MAGI2: variants seen among roughly 807,000 people sequenced by gnomAD.
MAGI2 encodes membrane-associated guanylate kinase, WW and PDZ domain-containing protein 2.
MAGI2 carries 35 observed loss-of-function variants against 133.3 expected under a neutral mutation model. The observed-to-expected ratio is 0.26, with a 90% CI of 0.20 to 0.35. The LOEUF (loss-of-function observed/expected upper bound fraction) is 0.35. MAGI2 is among the 10% of genes least tolerant of loss of function. The pLI is 1.00. For synonymous variants in MAGI2, 729 were observed against 710.6 expected (o/e 1.03, Z -0.41); for missense variants, 1,636 against 1,863.4 (o/e 0.88, Z 2.25).
At chr7:79,161,092 A>G (rs558641384) in intron 1 of MAGI2, among the ~76,000 whole-genome samples, 1 of 151,952 alleles carries the variant, frequency 6.6e-6, no homozygotes, top group South Asian at 2.1e-4. Flanking sequence ...TATAATTATA[A>G]TTATAAAAAT....
chr7:79,046,565 CTAAGGA>C lies in MAGI2; in HGVS notation c.302-39365_302-39360del, dbSNP rs560591904. ...GAACCTAAGAAAGTCTGAAAATATT[CTAAGGA>C]TAAGTTTTATCTTTCCCATATTGTA... On this transcript the variant is annotated intron_variant, in intron 1 of 21. Coordinates refer to ENST00000354212, the MANE Select transcript of MAGI2 (RefSeq NM_012301.4). Among the ~76,000 whole-genome samples, 92 of 152,290 alleles carry C rather than the reference CTAAGGA, an allele frequency of 6.0e-4. 3 individuals are homozygous for C. In the East Asian group the frequency reaches 6.8e-3, roughly 11 times the overall value.
chr7:78,127,144 C>A (rs757338499), intron 19 of MAGI2, 53 bp downstream of exon 19: 232 of 1,344,394 alleles, frequency 1.7e-4, no homozygotes, highest in Non-Finnish European at 3.9e-5. Flanking sequence ...TCATTCCTTG[C>A]AGTTCTCTGG....
In MAGI2 at chr7:79,331,703, G is replaced by A. The variant is rs1347276766; in HGVS notation, c.301+121317C>T. 3.3e-5 allele frequency among the ~76,000 whole-genome samples: 5 copies of A among 152,080 alleles called. No homozygotes were observed. In the South Asian group the frequency reaches 1.0e-3, roughly 31 times the overall value. On this transcript the variant is annotated intron_variant, in intron 1 of 21. Coordinates refer to ENST00000354212, the MANE Select transcript of MAGI2 (RefSeq NM_012301.4). ...CATTTGGAAGGCAACTTAGTCTAGT[G>A]CCATTTCTATATGACAGAAGCACGT...
chr7:79,256,973 G>A (rs1382715726), intron 1 of MAGI2, among the ~76,000 whole-genome samples: 1 of 152,050 alleles, frequency 6.6e-6, no homozygotes, highest in East Asian at 1.9e-4. Flanking sequence ...GAGACTTATT[G>A]TACAACATGG....
At chr7:79,178,581 A>G (rs770118057) in intron 1 of MAGI2, among the ~76,000 whole-genome samples, 2 of 151,724 alleles carry the variant, frequency 1.3e-5, no homozygotes, top group Admixed American at 6.6e-5. Context: ...GCATGGTGGC[A>G]TGCAACTGTA....
chr7:79,422,132 A>C (rs934119813), intron 1 of MAGI2, among the ~76,000 whole-genome samples: 1 of 152,084 alleles, frequency 6.6e-6, no homozygotes, highest in African/African-American at 2.4e-5. Context: ...AAATGGTAAC[A>C]CAACCATAGT....
intron 1 of MAGI2, among the ~76,000 whole-genome samples, chr7:79,317,050 TTC>T (rs1405600026): frequency 6.7e-6 from 1 of 148,424 alleles, no homozygotes; most frequent in Non-Finnish European, 1.5e-5. Context: ...GAGGCAGAGT[TTC>T]TCTCTTGTTG....
Position 78,677,872 on chromosome 7 carries a change from G to A in MAGI2, c.419-50633C>T, listed in dbSNP as rs114683018. 3.9e-3 allele frequency among the ~76,000 whole-genome samples: 600 copies of A among 152,146 alleles called. 2 individuals are homozygous for A. Among genetic ancestry groups the A allele is most frequent in the African/African-American group, 0.014 (567 of 41,516 alleles). On this transcript the variant is annotated intron_variant, in intron 2 of 21. Transcript: ENST00000354212. ...AAGCTAGTGCTCTGCATAGTACAGCGTCTGGGGGAGCTGTCAGGAGACAGG... is the reference window on the plus strand; with the variant it reads ...AAGCTAGTGCTCTGCATAGTACAGCATCTGGGGGAGCTGTCAGGAGACAGG...
intron 1 of MAGI2, among the ~76,000 whole-genome samples, chr7:79,261,973 A>G (rs1305429877): frequency 6.6e-6 from 1 of 152,228 alleles, no homozygotes; most frequent in Non-Finnish European, 1.5e-5. Context: ...TCAATCAACC[A>G]CTGACTACTT....
At chr7:78,372,632 G>T (rs752646476) in intron 6 of MAGI2, among the ~76,000 whole-genome samples, 18 of 152,106 alleles carry the variant, frequency 1.2e-4, no homozygotes, top group Non-Finnish European at 2.2e-4. Context: ...TTTTCTTCAG[G>T]CCATGGAACC....
intron 6 of MAGI2, among the ~76,000 whole-genome samples, chr7:78,414,293 ATATT>A (rs140472189): frequency 0.084 from 12,718 of 152,006 alleles, 699 homozygotes; most frequent in Middle Eastern, 0.14. Flanking sequence ...TAATATAGAA[ATATT>A]TATTATTTTA....
At chr7:78,129,809 C>T (rs1821367024) in intron 18 of MAGI2, among the ~76,000 whole-genome samples, 1 of 151,968 alleles carries the variant, frequency 6.6e-6, no homozygotes, top group African/African-American at 2.4e-5. Flanking sequence ...GTGGCACATG[C>T]CTGTAATCCC....
At chr7:79,280,987 C>A (rs910038003) in intron 1 of MAGI2, among the ~76,000 whole-genome samples, 1 of 125,846 alleles carries the variant, frequency 7.9e-6, no homozygotes. Flanking sequence ...GGTTTGCCTG[C>A]AGAATGAATT....
chr7:78,775,165 G>T (rs779839385), intron 2 of MAGI2, among the ~76,000 whole-genome samples: 10 of 151,076 alleles, frequency 6.6e-5, no homozygotes, highest in Non-Finnish European at 1.3e-4. Flanking sequence ...TACAAAAAAT[G>T]AGCCAGGCGT....
At chr7:78,345,492 C>T (rs1201398969) in intron 8 of MAGI2, 2 of 160,848 alleles carry the variant, frequency 1.2e-5, no homozygotes, top group Non-Finnish European at 2.7e-5. Context: ...TAAGACAAGT[C>T]ATTCACGCTG....
intron 1 of MAGI2, among the ~76,000 whole-genome samples, chr7:79,223,580 C>A (rs1274392846): frequency 6.6e-6 from 1 of 151,958 alleles, no homozygotes; most frequent in African/African-American, 2.4e-5. Context: ...ATAATCCCAA[C>A]AATTTGGGAG....
intron 1 of MAGI2, among the ~76,000 whole-genome samples, chr7:79,408,807 G>T (rs1352785216): frequency 1.3e-5 from 2 of 152,056 alleles, no homozygotes; most frequent in African/African-American, 2.4e-5. Context: ...TCATATAAGG[G>T]TTTAAGATGA....
intron 3 of MAGI2, among the ~76,000 whole-genome samples, chr7:78,577,451 A>C (rs1802380836): frequency 6.6e-6 from 1 of 152,182 alleles, no homozygotes; most frequent in Non-Finnish European, 1.5e-5. Flanking sequence ...GACTGTTTTC[A>C]TTACATTTTA....
At chr7:79,252,156 CAAAAAAAAAAAA>C (rs1208897198) in intron 1 of MAGI2, among the ~76,000 whole-genome samples, 1 of 102,598 alleles carries the variant, frequency 9.7e-6, no homozygotes, top group African/African-American at 4.1e-5. Flanking sequence ...GACCCTGTCT[CAAAAAAAAAAAA>C]AAAAAAAAAA....
Sources: gnomAD v4.1 joint callset for allele counts (sites outside exome capture counted in the v4.1 genomes callset) on GRCh38, gnomAD v4.1.1 for gene constraint, MANE v1.5 for transcripts, NCBI Gene and HGNC (gene_info 2026-07-23, HGNC 2026-07-21) for gene names.